The following IL1RAPL1 variants were observed in gnomAD, a reference collection of about 807,000 sequenced individuals.
The protein encoded by IL1RAPL1 is interleukin 1 receptor accessory protein like 1.
A neutral mutation model predicts 48.4 loss-of-function variants in IL1RAPL1; 3 were observed. The ratio of observed to expected loss-of-function variants is 0.06; its 90% confidence interval spans 0.03 to 0.16. The LOEUF is 0.16. Ranked by LOEUF, IL1RAPL1 falls within the 10% of genes least tolerant of loss-of-function variation. The pLI is 1.00. For missense variants in IL1RAPL1, 349 were observed against 530.6 expected (o/e 0.66, Z 3.36); for synonymous variants, 185 against 187.7 (o/e 0.99, Z 0.12).
rs1352318617 is a variant in IL1RAPL1 at position 29,887,874 on chromosome X, A to G, written c.779-29590A>G. Among the ~76,000 whole-genome samples the G allele has an allele frequency of 3.6e-5, 4 of 111,302 alleles. No homozygotes were observed. In the East Asian group the frequency reaches 8.5e-4, roughly 24 times the overall value. ...TGGTTAGTCTTCCTTATTGTCTCAG[A>G]GAAGGAGAAAAGGGCTTTATCGTGA... On this transcript the variant is annotated intron_variant, in intron 6 of 10. Transcript: ENST00000378993.
At chrX:28,638,271 A>G (rs1344264763) in intron 1 of IL1RAPL1, among the ~76,000 whole-genome samples, 3 of 111,719 alleles carry the variant, frequency 2.7e-5, no homozygotes, top group Non-Finnish European at 5.6e-5. Flanking sequence ...AAACAAGAAA[A>G]TACAGGTTAG....
At chrX:29,917,390 GT>G in intron 6 of IL1RAPL1, 73 bp from the exon 7 acceptor site, 1 of 921,437 alleles carries the variant, frequency 1.1e-6, no homozygotes, top group East Asian at 3.1e-5. Context: ...TGATCAAAAT[GT>G]TACCTGTCAG....
rs768177252 is a variant in IL1RAPL1 at position 29,404,601 on chromosome X, A to G, written c.703+5293A>G. ...TTGTTCTCATTCATTTCACTTACCC[A>G]TATTGTATAATCACCCAATATATTG... On this transcript the variant is annotated intron_variant, in intron 5 of 10. Transcript: ENST00000378993. 3.6e-5 allele frequency among the ~76,000 whole-genome samples: 4 copies of G among 112,069 alleles called. No homozygotes were observed. In the South Asian group the frequency reaches 1.5e-3, roughly 41 times the overall value.
chrX:29,921,749 G>A (rs532560710), intron 8 of IL1RAPL1, among the ~76,000 whole-genome samples: 7 of 111,589 alleles, frequency 6.3e-5, no homozygotes, highest in African/African-American at 2.0e-4. Context: ...GGAAAAATCC[G>A]TTAGAAAGCA....
chrX:29,183,945 C>T (rs901354065), intron 2 of IL1RAPL1, among the ~76,000 whole-genome samples: 15 of 111,817 alleles, frequency 1.3e-4, no homozygotes, highest in African/African-American at 4.9e-4. Flanking sequence ...CTGCCCTTCT[C>T]GGCCTTCCAA....
At chrX:29,840,588 A>T (rs766125647) in intron 6 of IL1RAPL1, among the ~76,000 whole-genome samples, 2 of 112,445 alleles carry the variant, frequency 1.8e-5, no homozygotes, top group Admixed American at 1.9e-4. Flanking sequence ...AGTGCAGAAC[A>T]TACAAGGATT....
chrX:29,791,578 A>G (rs1230583868), intron 6 of IL1RAPL1, among the ~76,000 whole-genome samples: 2 of 107,964 alleles, frequency 1.9e-5, no homozygotes, highest in Non-Finnish European at 3.8e-5. Context: ...ATGAACCACC[A>G]TGCCTGGCTA....
At chrX:29,483,718 C>G (rs1349496550) in intron 5 of IL1RAPL1, among the ~76,000 whole-genome samples, 8 of 107,948 alleles carry the variant, frequency 7.4e-5, no homozygotes, top group African/African-American at 2.7e-4. Flanking sequence ...AGACAGGGCC[C>G]GGCTCTGTCA....
chrX:29,429,010 T>G (rs1205263966), intron 5 of IL1RAPL1, among the ~76,000 whole-genome samples: 1 of 112,293 alleles, frequency 8.9e-6, no homozygotes, highest in African/African-American at 3.2e-5. Flanking sequence ...TCCAATGTAT[T>G]CTTTGATTCT....
At chrX:29,247,259 A>G (rs1466933439) in intron 2 of IL1RAPL1, among the ~76,000 whole-genome samples, 1 of 111,886 alleles carries the variant, frequency 8.9e-6, no homozygotes, top group Admixed American at 9.5e-5. Context: ...CTTATACAAA[A>G]GAGGTATGTT....
At chrX:29,049,496 A>T (rs1360255370) in intron 2 of IL1RAPL1, among the ~76,000 whole-genome samples, 2 of 111,897 alleles carry the variant, frequency 1.8e-5, no homozygotes, top group African/African-American at 3.3e-5. Flanking sequence ...AACCGTGAAG[A>T]TAGGGAGCCC....
intron 2 of IL1RAPL1, among the ~76,000 whole-genome samples, chrX:28,896,450 A>C (rs1031290203): frequency 7.2e-5 from 8 of 111,557 alleles, no homozygotes; most frequent in African/African-American, 2.6e-4. Context: ...CCTAAACGCT[A>C]ACTGATTTGG....
In IL1RAPL1 at chrX:29,307,333, A is replaced by AT. The variant is rs1932640691; in HGVS notation, c.362+24122dup. On this transcript the variant is annotated intron_variant, in intron 3 of 10. Coordinates refer to ENST00000378993, the MANE Select transcript of IL1RAPL1 (RefSeq NM_014271.4). ...ATTTCACTGCATATTTTTTAAAATT[A>AT]TTTTTTCCTGAAGTTTCAGAAGTCA... 4.5e-5 allele frequency among the ~76,000 whole-genome samples: 5 copies of AT among 112,321 alleles called. No homozygotes were observed. In the South Asian group the frequency reaches 1.8e-3, roughly 41 times the overall value.
intron 1 of IL1RAPL1, among the ~76,000 whole-genome samples, chrX:28,742,892 A>G (rs1200646580): frequency 9.0e-6 from 1 of 111,629 alleles, no homozygotes; most frequent in Non-Finnish European, 1.9e-5. Context: ...TCATTACTCA[A>G]TCTTTAGGAA....
In IL1RAPL1 at chrX:28,672,875, T is replaced by C. The variant is rs150896364; in HGVS notation, c.-25+84828T>C. On this transcript the variant is annotated intron_variant, in intron 1 of 10. Coordinates refer to ENST00000378993, the MANE Select transcript of IL1RAPL1 (RefSeq NM_014271.4). ...TAGGTGAACTTGTGTCATAGAAGTT[T>C]GTTGTACAGATTATTTCCTCACCCA... 9.0e-5 allele frequency among the ~76,000 whole-genome samples: 10 copies of C among 111,547 alleles called. No individual in the cohort carries two copies. The East Asian group carries it at 2.8e-3, about 31-fold the overall frequency.
intron 2 of IL1RAPL1, among the ~76,000 whole-genome samples, chrX:28,830,575 T>C (rs970645517): frequency 2.1e-4 from 24 of 111,794 alleles, no homozygotes; most frequent in African/African-American, 7.2e-4. Flanking sequence ...TCTTTAACTA[T>C]GGTTTTCTTT....
At chrX:29,405,291 G>T (rs908997279) in intron 5 of IL1RAPL1, among the ~76,000 whole-genome samples, 9 of 109,060 alleles carry the variant, frequency 8.3e-5, no homozygotes, top group African/African-American at 3.1e-4. Context: ...TGCTTGCATG[G>T]TTTTTGATGA....
At chrX:28,678,184 T>C (rs1044732605) in intron 1 of IL1RAPL1, among the ~76,000 whole-genome samples, 1 of 111,625 alleles carries the variant, frequency 9.0e-6, no homozygotes, top group African/African-American at 3.3e-5. Flanking sequence ...GTGGGAAGTA[T>C]GCTAGAGTGG....
chrX:29,692,673 G>A (rs1388228810), intron 6 of IL1RAPL1, among the ~76,000 whole-genome samples: 1 of 111,667 alleles, frequency 9.0e-6, no homozygotes, highest in African/African-American at 3.3e-5. Context: ...TTGTTTTGTG[G>A]GGTTATTTTT....
Sources: gnomAD v4.1 joint callset for allele counts (sites outside exome capture counted in the v4.1 genomes callset) on GRCh38, gnomAD v4.1.1 for gene constraint, MANE v1.5 for transcripts, NCBI Gene and HGNC (gene_info 2026-07-23, HGNC 2026-07-21) for gene names.